CDH18: variants seen among roughly 807,000 people sequenced by gnomAD.
CDH18 encodes cadherin 18, also known as cadherin-18.
CDH18 carries 31 observed loss-of-function variants against 67.9 expected under a neutral mutation model. The observed-to-expected ratio is 0.46, with a 90% CI of 0.34 to 0.62. CDH18 has a LOEUF of 0.62. Ranked by LOEUF, CDH18 falls within the 20% of genes least tolerant of loss-of-function variation. The pLI, the probability that CDH18 is intolerant of heterozygous loss-of-function variation, is 0.01. For synonymous variants in CDH18, 362 were observed against 347.2 expected, an observed-to-expected ratio of 1.04 and a Z score of -0.48; for missense variants, 890 against 975.5, an observed-to-expected ratio of 0.91 and a Z score of 1.17.
intron 1 of CDH18, among the ~76,000 whole-genome samples, chr5:20,524,836 T>C (rs1755951073): frequency 6.6e-6 from 1 of 152,290 alleles, no homozygotes; most frequent in Middle Eastern, 3.4e-3. Flanking sequence ...ATACAGCTCC[T>C]TGTTAACTCA....
chr5:19,899,127 CGGT>C (rs1378578128), intron 2 of CDH18, among the ~76,000 whole-genome samples: 4 of 152,106 alleles, frequency 2.6e-5, no homozygotes, highest in African/African-American at 9.7e-5. Context: ...AGGCCAGGCA[CGGT>C]GGCTCACGCC....
At chr5:20,504,760 A>ATTTTTTTTTTTTTTTTTTTTTTTTTT (rs70954666) in intron 1 of CDH18, among the ~76,000 whole-genome samples, 1 of 67,992 alleles carries the variant, frequency 1.5e-5, no homozygotes, top group Non-Finnish European at 2.9e-5. Context: ...ACAAAAGGGA[A>ATTTTTTTTTTTTTTTTTTTTTTTTTT]TTTTTTTTTT....
intron 5 of CDH18, among the ~76,000 whole-genome samples, chr5:19,655,531 T>C (rs890207495): frequency 1.3e-5 from 2 of 152,114 alleles, no homozygotes; most frequent in Non-Finnish European, 2.9e-5. Flanking sequence ...GTTTTGTTTA[T>C]TAATATATTT....
chr5:20,290,422 A>C (rs1747017070), intron 1 of CDH18, among the ~76,000 whole-genome samples: 1 of 152,154 alleles, frequency 6.6e-6, no homozygotes. Flanking sequence ...AGATGGCAAC[A>C]TCTATTCAAC....
chr5:19,680,007 G>A (rs1013071863), intron 5 of CDH18, among the ~76,000 whole-genome samples: 2 of 151,950 alleles, frequency 1.3e-5, no homozygotes, highest in East Asian at 3.9e-4. Flanking sequence ...AAAGAGCAAA[G>A]CCAGAGGTAT....
At chr5:20,419,635 G>A (rs940260832) in intron 1 of CDH18, among the ~76,000 whole-genome samples, 1 of 150,696 alleles carries the variant, frequency 6.6e-6, no homozygotes, top group South Asian at 2.1e-4. Context: ...CCGCCACGAC[G>A]CCCAGCTAAT....
chr5:20,072,593 C>T (rs1382750838), intron 2 of CDH18, among the ~76,000 whole-genome samples: 1 of 151,710 alleles, frequency 6.6e-6, no homozygotes, highest in Admixed American at 6.6e-5. Flanking sequence ...TCATATTTAA[C>T]AAAAAAGAAA....
intron 1 of CDH18, among the ~76,000 whole-genome samples, chr5:20,468,548 A>G (rs1429094644): frequency 1.3e-5 from 2 of 152,214 alleles, no homozygotes; most frequent in Non-Finnish European, 2.9e-5. Context: ...TATTTTCAAG[A>G]TCACTCTAAA....
chr5:19,608,641 AG>A, intron 6 of CDH18, among the ~76,000 whole-genome samples: 1 of 151,960 alleles, frequency 6.6e-6, no homozygotes, highest in East Asian at 1.9e-4. Flanking sequence ...TTGAATTTTT[AG>A]AGCTTGATCC....
At chr5:20,087,065 A>G (rs1745021509) in intron 2 of CDH18, among the ~76,000 whole-genome samples, 3 of 152,346 alleles carry the variant, frequency 2.0e-5, no homozygotes, top group Admixed American at 1.3e-4. Flanking sequence ...AATAGACATC[A>G]AAATATTAAC....
chr5:20,566,830 C>T (rs1758541973), intron 1 of CDH18, among the ~76,000 whole-genome samples: 1 of 152,124 alleles, frequency 6.6e-6, no homozygotes, highest in Non-Finnish European at 1.5e-5. Flanking sequence ...AAGACAGTTA[C>T]CGCTTGGTTA....
intron 2 of CDH18, among the ~76,000 whole-genome samples, chr5:20,038,749 C>A (rs1283722035): frequency 3.9e-5 from 6 of 152,034 alleles, no homozygotes; most frequent in African/African-American, 1.4e-4. Context: ...ACTTAATGGG[C>A]AAAAACTGGA....
At chr5:19,989,023 A>C (rs754328645), upstream of CDH18, among the ~76,000 whole-genome samples, 27 of 152,122 alleles carry the variant, frequency 1.8e-4, no homozygotes, top group Admixed American at 1.3e-4. Context: ...AATTAAATCG[A>C]TTTGCAATGT....
At chr5:19,984,922 C>T (rs539362883) in intron 1 of CDH18, among the ~76,000 whole-genome samples, 5 of 152,138 alleles carry the variant, frequency 3.3e-5, no homozygotes, top group Non-Finnish European at 7.4e-5. Context: ...CTACTCCAAG[C>T]ATATAGAATA....
chr5:19,581,698 C>A (rs1743280276), intron 7 of CDH18, among the ~76,000 whole-genome samples: 1 of 152,022 alleles, frequency 6.6e-6, no homozygotes. Flanking sequence ...CATTTTCATA[C>A]ATAAAATTGT....
At position 20,538,513 on chromosome 5, in the gene CDH18, A is replaced by G. The variant is rs138424950; in HGVS notation, c.-580+36949T>C. ...AACAAGCTGCTCAGTAGCTTGACCTATTGGTCTGGTCTGGCTTTGTGGCTG... is the reference window on the plus strand; with the variant it reads ...AACAAGCTGCTCAGTAGCTTGACCTGTTGGTCTGGTCTGGCTTTGTGGCTG... On this transcript the variant is annotated intron_variant, in intron 1 of 14. Coordinates refer to the CDH18 transcript ENST00000507958. Among the ~76,000 whole-genome samples the G allele has an allele frequency of 9.9e-3, 1,500 of 152,206 alleles. 20 individuals are homozygous for G. Among genetic ancestry groups the G allele is most frequent in the African/African-American group, 0.034 (1,398 of 41,554 alleles).
chr5:20,514,738 TA>T (rs544645457), intron 1 of CDH18, among the ~76,000 whole-genome samples: 29 of 152,152 alleles, frequency 1.9e-4, no homozygotes, highest in Admixed American at 1.6e-3. Context: ...CATTGCTCAG[TA>T]AATGAAATTA....
At chr5:20,350,815 G>A (rs1741108364) in intron 1 of CDH18, among the ~76,000 whole-genome samples, 1 of 152,120 alleles carries the variant, frequency 6.6e-6, no homozygotes, top group Non-Finnish European at 1.5e-5. Flanking sequence ...TTATCAAAAT[G>A]AAGCTATTCA....
At position 20,452,624 on chromosome 5, in the gene CDH18, G is replaced by A. The variant is rs567028189; in HGVS notation, c.-580+122838C>T. ...CAGATTTGAGGGTGGAGGGTGGCAG[G>A]AGGGAGAAAATCAGAAAAAAATAAC... On this transcript the variant is annotated intron_variant, in intron 1 of 14. Coordinates refer to the CDH18 transcript ENST00000507958. Among the ~76,000 whole-genome samples, 6 of 152,184 alleles carry A rather than the reference G, an allele frequency of 3.9e-5. No homozygotes were observed. The South Asian group carries it at 1.2e-3, about 32-fold the overall frequency.
Sources: gnomAD v4.1 joint callset for allele counts (sites outside exome capture counted in the v4.1 genomes callset) on GRCh38, gnomAD v4.1.1 for gene constraint, MANE v1.5 for transcripts, NCBI Gene and HGNC (gene_info 2026-07-23, HGNC 2026-07-21) for gene names.